MID1: variants seen among roughly 807,000 people sequenced by gnomAD.
The protein encoded by MID1 is midline 1.
A neutral mutation model predicts 40.4 loss-of-function variants in MID1; 7 were observed. The ratio of observed to expected loss-of-function variants is 0.17; its 90% CI spans 0.10 to 0.33. The LOEUF (loss-of-function observed/expected upper bound fraction) is 0.33, where lower values mean the gene tolerates loss of function less well. Among genes scored for constraint, MID1 ranks in the 10% least tolerant of loss-of-function variants. The pLI, the probability that MID1 is intolerant of heterozygous loss-of-function variation, is 1.00. For synonymous variants in MID1, 229 were observed against 221.2 expected, an observed-to-expected ratio of 1.04 and a Z score of -0.31; for missense variants, 367 against 558.5, an observed-to-expected ratio of 0.66 and a Z score of 3.46.
chrX:10,474,566 C>T, intron 6 of MID1, 57 bp downstream of exon 6: 1 of 1,154,460 alleles, frequency 8.7e-7, no homozygotes, highest in Non-Finnish European at 1.2e-6. Flanking sequence ...GATCTGGTGG[C>T]AAAGTGTTTA....
At chrX:10,809,950 T>A (rs2044084870) in intron 1 of MID1, among the ~76,000 whole-genome samples, 1 of 110,532 alleles carries the variant, frequency 9.0e-6, no homozygotes, top group African/African-American at 3.3e-5. Flanking sequence ...TAAAATAAAA[T>A]AAAAAAGAAG....
intron 2 of MID1, among the ~76,000 whole-genome samples, chrX:10,536,122 G>C (rs1232306499): frequency 9.0e-6 from 1 of 111,078 alleles, no homozygotes; most frequent in Admixed American, 9.5e-5. Context: ...CAACTCCGGA[G>C]GATGAGGCAG....
intron 6 of MID1, among the ~76,000 whole-genome samples, chrX:10,474,323 G>A (rs1436675333): frequency 1.8e-5 from 2 of 111,848 alleles, no homozygotes; most frequent in African/African-American, 3.2e-5. Flanking sequence ...ACTATGATAT[G>A]AAAAATACCA....
intron 1 of MID1, among the ~76,000 whole-genome samples, chrX:10,788,702 G>A (rs1437877293): frequency 2.7e-5 from 3 of 111,689 alleles, no homozygotes; most frequent in Non-Finnish European, 5.6e-5. Context: ...CATGTAATGG[G>A]TAGAGGCTAG....
intron 1 of MID1, among the ~76,000 whole-genome samples, chrX:10,671,074 G>T (rs1033670136): frequency 2.7e-5 from 3 of 111,687 alleles, no homozygotes; most frequent in African/African-American, 9.8e-5. Context: ...TTTTGTCATG[G>T]ATCACACCCT....
intron 1 of MID1, among the ~76,000 whole-genome samples, chrX:10,601,901 GTTT>G (rs61428047): frequency 5.9e-4 from 57 of 96,288 alleles, no homozygotes; most frequent in African/African-American, 2.1e-3. Context: ...TTTTGTTTTT[GTTT>G]TTTTTTTTTT....
intron 5 of MID1, chrX:10,475,074 C>A (rs1929933101): frequency 2.9e-6 from 1 of 346,319 alleles, no homozygotes. Flanking sequence ...CCGGTCACGT[C>A]TAACCCCAGC....
chrX:10,457,297 C>T (rs1485646994), intron 8 of MID1, among the ~76,000 whole-genome samples: 1 of 111,130 alleles, frequency 9.0e-6, no homozygotes, highest in Non-Finnish European at 1.9e-5. Flanking sequence ...TTGGCTCACA[C>T]CCTCACCCAC....
At chrX:10,479,415 G>T (rs1930196413) in intron 5 of MID1, among the ~76,000 whole-genome samples, 1 of 110,543 alleles carries the variant, frequency 9.0e-6, no homozygotes, top group Non-Finnish European at 1.9e-5. Flanking sequence ...TCACCCTATT[G>T]TGCTACCAAA....
intron 1 of MID1, among the ~76,000 whole-genome samples, chrX:10,809,548 A>G (rs1466895632): frequency 1.8e-5 from 2 of 111,753 alleles, no homozygotes; most frequent in Admixed American, 1.9e-4. Flanking sequence ...TCAACGATAG[A>G]CTGGATTAAG....
chrX:10,693,070 T>C (rs1352095618), intron 1 of MID1, among the ~76,000 whole-genome samples: 1 of 111,970 alleles, frequency 8.9e-6, no homozygotes, highest in East Asian at 2.8e-4. Flanking sequence ...ATTATTTTCC[T>C]GCCCTTAAAT....
intron 1 of MID1, among the ~76,000 whole-genome samples, chrX:10,652,621 C>T (rs1160286837): frequency 1.8e-5 from 2 of 111,478 alleles, no homozygotes; most frequent in African/African-American, 6.5e-5. Context: ...GAGTAAAAGA[C>T]AAAGTCCACG....
intron 1 of MID1, among the ~76,000 whole-genome samples, chrX:10,637,634 A>AAAAG (rs1292074470): frequency 9.1e-6 from 1 of 110,293 alleles, no homozygotes; most frequent in Non-Finnish European, 1.9e-5. Flanking sequence ...AAAAAAAAAA[A>AAAAG]AAAGAAAGAA....
chrX:10,451,103 AAAG>A (rs1232477630), intron 9 of MID1, among the ~76,000 whole-genome samples: 2 of 111,886 alleles, frequency 1.8e-5, no homozygotes, highest in African/African-American at 6.5e-5. Context: ...ACTAAATCCA[AAAG>A]AAGGATGGAA....
intron 1 of MID1, among the ~76,000 whole-genome samples, chrX:10,798,506 C>T (rs906181935): frequency 8.9e-6 from 1 of 111,881 alleles, no homozygotes; most frequent in Admixed American, 9.5e-5. Context: ...CAATTTAGCA[C>T]TTTGATCTCT....
At chrX:10,585,148 G>A (rs763673683) in intron 1 of MID1, among the ~76,000 whole-genome samples, 7 of 111,490 alleles carry the variant, frequency 6.3e-5, no homozygotes, top group Admixed American at 9.4e-5. Flanking sequence ...GCCCAGGCCC[G>A]GTTTCAGGTC....
chrX:10,669,036 G>A (rs2042968922), intron 1 of MID1, among the ~76,000 whole-genome samples: 1 of 107,334 alleles, frequency 9.3e-6, no homozygotes, highest in South Asian at 4.2e-4. Context: ...TGGCTAACAA[G>A]GTGAAACCCC....
At chrX:10,743,471 A>G (rs1397167172) in intron 1 of MID1, among the ~76,000 whole-genome samples, 7 of 112,372 alleles carry the variant, frequency 6.2e-5, no homozygotes, top group Non-Finnish European at 1.1e-4. Context: ...CCTTTGTTCC[A>G]TGTTCCAGGA....
At chrX:10,456,852 A>AAAAAG (rs987882741) in intron 8 of MID1, among the ~76,000 whole-genome samples, 2 of 110,686 alleles carry the variant, frequency 1.8e-5, no homozygotes, top group African/African-American at 6.7e-5. Context: ...AATAACAATA[A>AAAAAG]AAAAGAAAAG....
Sources: gnomAD v4.1 joint callset for allele counts (sites outside exome capture counted in the v4.1 genomes callset) on GRCh38, gnomAD v4.1.1 for gene constraint, MANE v1.5 for transcripts, NCBI Gene and HGNC (gene_info 2026-07-23, HGNC 2026-07-21) for gene names.